GTF2F1: variants seen among roughly 807,000 people sequenced by gnomAD.
GTF2F1 encodes the protein general transcription factor IIF 74 kDa subunit.
Under a neutral mutation model 63.5 loss-of-function variants are expected in GTF2F1, and 39 were observed. The ratio of observed to expected loss-of-function variants is 0.61; its 90% CI spans 0.48 to 0.80. The LOEUF is 0.80. Among genes scored for constraint, GTF2F1 ranks in the 30% least tolerant of loss-of-function variants. The pLI is 0.00. For missense variants in GTF2F1, 657 were observed against 718.3 expected (o/e 0.91, Z 0.97); for synonymous variants, 287 against 285.3 (o/e 1.01, Z -0.06).
chr19:6,387,326 T>A, intron 5 of GTF2F1, 63 bp downstream of exon 5: 1 of 1,490,302 alleles, frequency 6.7e-7, no homozygotes, highest in Non-Finnish European at 9.3e-7. Context: ...CCTGGTGATA[T>A]ATCCATGGCA....
chr19:6,383,482 G>C lies in GTF2F1; in HGVS notation c.511C>G (p.Leu171Val), dbSNP rs1461777241. Residue 171 changes from leucine (L) to valine (V), a missense_variant, in exon 6 of 13, where the codon CTG (leucine) becomes GTG (valine). Leu to Val is a conservative substitution (Grantham distance 32). This residue lies in a region of GTF2F1 where 602 missense variants were observed against 625.6 expected (regional missense o/e 0.96). Coordinates refer to ENST00000394456, the MANE Select transcript of GTF2F1 (RefSeq NM_002096.3). The surrounding 1 kb of genome is among the most constrained non-coding windows in gnomAD (Gnocchi z 4.5). ...TGCTGCATGATGCTGAAGTGGTTCA[G>C]CACCTTGTTCCTCCTGCGGGCCAGG... ...EEEWERRNKVLNHFSIMQQRR... is the reference protein window; with the variant it reads ...EEEWERRNKVVNHFSIMQQRR... 1.9e-6 allele frequency: 3 copies of C among 1,613,458 alleles called. No homozygotes were observed. Among genetic ancestry groups the C allele is most frequent in the Non-Finnish European group, 1.7e-6 (2 of 1,179,798 alleles).
rs371455689 is a variant in GTF2F1, at chr19:6,391,588, A to G, written c.132+314T>C. ...CTACCTCAGCCTCCTATGTAGGACT[A>G]CAGACCCACGCTATCAGCCCCAACT... On this transcript the variant is annotated intron_variant, in intron 3 of 12. Coordinates refer to ENST00000394456, the MANE Select transcript of GTF2F1 (RefSeq NM_002096.3). 5.3e-5 allele frequency among the ~76,000 whole-genome samples: 8 copies of G among 151,664 alleles called. No homozygotes were observed. The East Asian group carries it at 1.2e-3, about 22-fold the overall frequency.
intron 5 of GTF2F1, among the ~76,000 whole-genome samples, chr19:6,384,245 C>T (rs148411184): frequency 0.031 from 4,729 of 151,844 alleles, 213 homozygotes; most frequent in African/African-American, 0.11. Flanking sequence ...CGGTGGCTCA[C>T]GCCTGTAATC....
chr19:6,380,453 C>T lies in GTF2F1; in HGVS notation c.1382G>A (p.Arg461His). ...GGTCATGGGCTTCCGTGTCAGGTAG[C>T]GGCGCACGGCATCCTCAGTCACCTG... Reference protein sequence around the residue: ...DVQVTEDAVRRYLTRKPMTTK... With the variant: ...DVQVTEDAVRHYLTRKPMTTK... The change falls in exon 13 of 13, where the codon CGC becomes CAC. Residue 461 changes from arginine to histidine, a missense_variant. Transcript: ENST00000394456. This position sits in a 1 kb window ranked among gnomAD's most constrained non-coding sequence, Gnocchi z 5.3. 3 of 1,614,064 alleles carry T rather than the reference C, an allele frequency of 1.9e-6. No individual in the cohort carries two copies. The highest frequency in any genetic ancestry group is 2.5e-6 in the Non-Finnish European group (3 of 1,180,004).
rs374324867 is a variant in GTF2F1 at position 6,392,812 on chromosome 19, T to C, written c.59+45A>G. ...GCTAAGAAGATCGTGAAGGTTTTCA[T>C]TTTTGGGGGGTGGAGAGGAGTGGGA... On this transcript the variant is annotated intron_variant, in intron 2 of 12. Transcript: ENST00000394456. The C allele has an allele frequency of 2.9e-5, 45 of 1,568,304 alleles. 1 individual carries two copies. The South Asian group carries it at 4.0e-4, about 14-fold the overall frequency.
intron 3 of GTF2F1, among the ~76,000 whole-genome samples, chr19:6,391,537 T>C (rs1021443947): frequency 2.0e-5 from 3 of 148,568 alleles, no homozygotes; most frequent in Admixed American, 6.9e-5. Context: ...ACTGCAGCCT[T>C]GAACCCCTGG....
At chr19:6,392,380 GGGA>G (rs778278207) in intron 2 of GTF2F1, 1 of 477,718 alleles carries the variant, frequency 2.1e-6, no homozygotes, top group Non-Finnish European at 4.1e-6. Flanking sequence ...CTCAGCCTTG[GGGA>G]GGAGGGAGGA....
rs1472957990 is a variant in GTF2F1, at chr19:6,380,613, T to TCGACTTCCCAGACAGGCTCTGGGGTCC, written c.1282_1308dup (p.Gly428_Ser436dup). On this transcript the variant is annotated inframe_insertion, in exon 12 of 13. Coordinates refer to ENST00000394456, the MANE Select transcript of GTF2F1 (RefSeq NM_002096.3). This position sits in a 1 kb window ranked among gnomAD's most constrained non-coding sequence, Gnocchi z 5.3. ...GTCTTGCCTGATGGTGGCTGGGGTG[T>TCGACTTCCCAGACAGGCTCTGGGGTCC]CGACTTCCCAGACAGGCTCTGGGGT... The TCGACTTCCCAGACAGGCTCTGGGGTCC allele has an allele frequency of 6.2e-7, 1 of 1,613,870 alleles. No individual in the cohort carries two copies. The highest frequency in any genetic ancestry group is 8.5e-7 in the Non-Finnish European group (1 of 1,180,018).
At chr19:6,390,716 C>T (rs1055256390) in intron 3 of GTF2F1, among the ~76,000 whole-genome samples, 1 of 150,358 alleles carries the variant, frequency 6.7e-6, no homozygotes, top group African/African-American at 2.4e-5. Context: ...TTCGTCTCTA[C>T]TAAAAATACA....
rs1286483859 is a variant in GTF2F1, at chr19:6,383,724, G to A, written c.498-229C>T. Among the ~76,000 whole-genome samples, 1 of 152,196 alleles carries A rather than the reference G, an allele frequency of 6.6e-6. No homozygotes were observed. Among genetic ancestry groups the A allele is most frequent in the African/African-American group, 2.4e-5 (1 of 41,440 alleles). On this transcript the variant is annotated intron_variant, in intron 5 of 12. Coordinates refer to ENST00000394456, the MANE Select transcript of GTF2F1 (RefSeq NM_002096.3). This position sits in a 1 kb window ranked among gnomAD's most constrained non-coding sequence, Gnocchi z 4.5. ...AAGAGCAGGTCCCCATGTGCTGCTG[G>A]AGTCTCAGCACCTCCCTCGGACTCA...
In GTF2F1 at chr19:6,380,400, T is replaced by C. The variant is rs747149114; in HGVS notation, c.1435A>G (p.Thr479Ala). ...TTKDLLKKFQ[T>A]KKTGLSSEQT... is the part of the protein sequence containing the mutation. ...TCGCTGCTCAGCCCTGTCTTCTTGG[T>C]CTGGAACTTTTTCAGCAGGTCCTTA... The change falls in exon 13 of 13, where the codon ACC becomes GCC. Residue 479 changes from threonine (T) to alanine (A), a missense_variant. Coordinates refer to ENST00000394456, the MANE Select transcript of GTF2F1 (RefSeq NM_002096.3). The surrounding 1 kb of genome is among the most constrained non-coding windows in gnomAD (Gnocchi z 5.3). The C allele has an allele frequency of 6.2e-7, 1 of 1,614,052 alleles. No homozygotes were observed. Among genetic ancestry groups the C allele is most frequent in the Non-Finnish European group, 8.5e-7 (1 of 1,179,992 alleles).
intron 3 of GTF2F1, among the ~76,000 whole-genome samples, chr19:6,391,538 G>A (rs569345491): frequency 7.4e-6 from 1 of 135,610 alleles, no homozygotes; most frequent in Admixed American, 8.9e-5. Flanking sequence ...CTGCAGCCTT[G>A]AACCCCTGGG....
At position 6,381,829 on chromosome 19, in the gene GTF2F1, T is replaced by C; in HGVS notation, c.704A>G (p.Lys235Arg). Reference sequence around the variant, plus strand: ...GCCCTTGGCCAGCGGCGCCTTCTTCTTGGCCTTGGGGACTCTGCCCCCTGG... The same window carrying C: ...GCCCTTGGCCAGCGGCGCCTTCTTCCTGGCCTTGGGGACTCTGCCCCCTGG... ...GEEGGRVPKA[K>R]KKAPLAKGGR... Residue 235 changes from lysine (K) to arginine (R), a missense_variant, in exon 7 of 13, where the codon AAG becomes AGG. Lys to Arg is a conservative substitution (Grantham distance 26). Around this residue, in one of 2 missense-constraint regions of GTF2F1, gnomAD observed 602 missense variants for 625.6 expected, o/e 0.96. Coordinates refer to ENST00000394456, the MANE Select transcript of GTF2F1 (RefSeq NM_002096.3). This position sits in a 1 kb window ranked among gnomAD's most constrained non-coding sequence, Gnocchi z 4.1. The C allele has an allele frequency of 6.2e-7, 1 of 1,613,228 alleles. No individual in the cohort carries two copies. Among genetic ancestry groups the C allele is most frequent in the Non-Finnish European group, 8.5e-7 (1 of 1,179,950 alleles).
intron 3 of GTF2F1, 51 bp from the exon 4 acceptor site, chr19:6,389,688 A>G (rs78293125): frequency 0.08 from 124,333 of 1,548,458 alleles, 5,734 homozygotes; most frequent in Non-Finnish European, 0.095. Context: ...TTGCTTGCGC[A>G]GTGCCCCCCT....
In GTF2F1 at chr19:6,389,691, G is replaced by A. The variant is rs547090990; in HGVS notation, c.133-54C>T. On this transcript the variant is annotated intron_variant, in intron 3 of 12. Transcript: ENST00000394456. ...GGGTCCCTGGCTTTGCTTGCGCAGT[G>A]CCCCCCTCCAGGAACGCCCTTCCTT... is the stretch of plus-strand genomic sequence containing the variant. The A allele has an allele frequency of 2.7e-5, 41 of 1,532,574 alleles. 1 individual carries two copies. In the East Asian group the frequency reaches 5.2e-4, roughly 19 times the overall value. 94.9% of individuals were successfully genotyped at this position (1,532,574 alleles called of 1,614,324 possible).
intron 5 of GTF2F1, among the ~76,000 whole-genome samples, chr19:6,384,916 T>C (rs1041573324): frequency 3.3e-5 from 5 of 152,096 alleles, no homozygotes; most frequent in South Asian, 2.1e-4. Context: ...CCCGAGTAGC[T>C]GGGATTACAG....
Position 6,389,625 on chromosome 19 carries a change from G to C in GTF2F1, c.145C>G (p.Arg49Gly), listed in dbSNP as rs1299141334. Residue 49 changes from arginine (R) to glycine (G), a missense_variant, in exon 4 of 13, where the codon CGG (arginine) becomes GGG (glycine). Arg to Gly is a moderately radical substitution (Grantham distance 125). Coordinates refer to ENST00000394456, the MANE Select transcript of GTF2F1 (RefSeq NM_002096.3). ...FATWNQARLE[R>G]DLSNKKIYQE... is the part of the protein sequence containing the mutation. ...TAGATTTTCTTGTTGCTCAAGTCCC[G>C]CTCCAGCCGAGCCTAGGGGAGCAGG... The C allele has an allele frequency of 6.2e-7, 1 of 1,613,352 alleles. No homozygotes were observed. The highest frequency in any genetic ancestry group is 1.7e-5 in the Admixed American group (1 of 59,996).
At chr19:6,389,335 A>C (rs73920657) in intron 4 of GTF2F1, 109 bp downstream of exon 4, 1 of 717,262 alleles carries the variant, frequency 1.4e-6, no homozygotes, top group Non-Finnish European at 2.2e-6. Flanking sequence ...CTTCCACTGC[A>C]GCAGTGGGAA....
rs982474511 is a variant in GTF2F1, at chr19:6,393,162, G to C, written c.-167C>G. 1 of 823,564 alleles carries C rather than the reference G, an allele frequency of 1.2e-6. No individual in the cohort carries two copies. Among genetic ancestry groups the C allele is most frequent in the Admixed American group, 2.6e-5 (1 of 38,208 alleles). 51.0% of individuals were successfully genotyped at this position (823,564 alleles called of 1,614,324 possible). A position where few individuals can be genotyped will look rare whatever the true frequency, so the allele number is the denominator to read the frequency against. On this transcript the variant is annotated 5_prime_UTR_variant, in exon 1 of 13. Transcript: ENST00000394456. ...TGGCGCTGGGAAAAGGTAACCGGAA[G>C]AGGCGCTCAAGCTACTCGGTCTACG...
Sources: gnomAD v4.1 joint callset for allele counts (sites outside exome capture counted in the v4.1 genomes callset) on GRCh38, gnomAD v4.1.1 for gene constraint, gnomAD v4.1.1 regional missense constraint, Gnocchi (gnomAD v3.1) non-coding constraint, MANE v1.5 for transcripts, NCBI Gene and HGNC (gene_info 2026-07-23, HGNC 2026-07-21) for gene names.